Variants in CSMD1 observed in about 807,000 individuals in gnomAD.
CSMD1 encodes the protein CUB and Sushi multiple domains 1.
Under a neutral mutation model 417.5 loss-of-function variants are expected in CSMD1, and 213 were observed. The ratio of observed to expected loss-of-function variants is 0.51; its 90% CI spans 0.46 to 0.57. The LOEUF is 0.57. CSMD1 is among the 20% of genes least tolerant of loss of function. CSMD1 has a pLI of 0.00. For synonymous variants in CSMD1, 2,862 were observed against 1,736.8 expected (o/e 1.65, Z -16.11); for missense variants, 6,923 against 4,529.7 (o/e 1.53, Z -15.17).
intron 5 of CSMD1, among the ~76,000 whole-genome samples, chr8:3,850,182 A>T (rs574139693): frequency 6.6e-6 from 1 of 152,366 alleles, no homozygotes; most frequent in Non-Finnish European, 1.5e-5. Flanking sequence ...CTGTATAGGC[A>T]AATTTTGAGA....
chr8:3,072,545 T>C (rs1437203645), intron 49 of CSMD1, among the ~76,000 whole-genome samples: 1 of 152,172 alleles, frequency 6.6e-6, no homozygotes, highest in Non-Finnish European at 1.5e-5. Context: ...AGAGCACAGT[T>C]CTTGGCGTAG....
chr8:3,400,604 T>A (rs1332910002), intron 15 of CSMD1, among the ~76,000 whole-genome samples: 1 of 151,994 alleles, frequency 6.6e-6, no homozygotes, highest in South Asian at 2.1e-4. Flanking sequence ...GCAAATATAT[T>A]TGAAGTAACG....
intron 6 of CSMD1, among the ~76,000 whole-genome samples, chr8:3,712,707 T>C (rs540110827): frequency 2.0e-5 from 3 of 152,216 alleles, no homozygotes; most frequent in Non-Finnish European, 4.4e-5. Context: ...TATGAGTTTC[T>C]GTTTTGTTTT....
intron 3 of CSMD1, among the ~76,000 whole-genome samples, chr8:4,235,855 T>G (rs369025553): frequency 4.0e-4 from 61 of 152,280 alleles, no homozygotes; most frequent in African/African-American, 1.3e-3. Flanking sequence ...TGCCATCCTT[T>G]GATTCTAACT....
chr8:4,355,614 G>C (rs1054751345), intron 3 of CSMD1, among the ~76,000 whole-genome samples: 4 of 152,180 alleles, frequency 2.6e-5, no homozygotes, highest in African/African-American at 4.8e-5. Flanking sequence ...GAATAACTGA[G>C]TTAAATATTG....
intron 1 of CSMD1, among the ~76,000 whole-genome samples, chr8:4,639,874 C>A (rs559792543): frequency 5.3e-5 from 8 of 152,024 alleles, no homozygotes; most frequent in Non-Finnish European, 1.0e-4. Context: ...ATAAAAAGCC[C>A]ATTTTCCACT....
At chr8:4,445,932 CAG>C (rs1377841721) in intron 2 of CSMD1, among the ~76,000 whole-genome samples, 26 of 152,048 alleles carry the variant, frequency 1.7e-4, no homozygotes, top group African/African-American at 6.3e-4. Context: ...TTCAGCTGGT[CAG>C]AGAAAAAGTA....
At chr8:4,428,848 A>G (rs953651577) in intron 2 of CSMD1, among the ~76,000 whole-genome samples, 1 of 151,988 alleles carries the variant, frequency 6.6e-6, no homozygotes, top group Non-Finnish European at 1.5e-5. Flanking sequence ...CCTCCTGAGT[A>G]TCTGGGATTA....
chr8:4,979,070 T>G (rs1443848091), intron 1 of CSMD1, among the ~76,000 whole-genome samples: 1 of 152,212 alleles, frequency 6.6e-6, no homozygotes, highest in Non-Finnish European at 1.5e-5. Context: ...ACTTCAAATT[T>G]CCAGGCCTTC....
chr8:4,320,698 T>C (rs1037496481), intron 3 of CSMD1, among the ~76,000 whole-genome samples: 3 of 152,192 alleles, frequency 2.0e-5, no homozygotes, highest in Non-Finnish European at 4.4e-5. Flanking sequence ...CATCCTTTTT[T>C]ATGGCTGCAT....
chr8:3,607,353 G>A (rs1462853231), intron 8 of CSMD1, among the ~76,000 whole-genome samples: 2 of 151,642 alleles, frequency 1.3e-5, no homozygotes, highest in Admixed American at 6.6e-5. Context: ...GACCTGCCTG[G>A]GGCTGTTTAC....
In CSMD1 at chr8:3,985,969, G is replaced by T. The variant is rs182978896; in HGVS notation, c.818+11934C>A. ...TAATTCTAGCCTAAAAGTTTCCCTG[G>T]CTGTCCTCTGACTCCCATTTAAGCC... On this transcript the variant is annotated intron_variant, in intron 5 of 69. Transcript: ENST00000635120. 7.3e-5 allele frequency among the ~76,000 whole-genome samples: 11 copies of T among 151,656 alleles called. No individual in the cohort carries two copies. The East Asian group carries it at 2.1e-3, about 30-fold the overall frequency.
At chr8:3,680,954 C>G (rs201858983) in intron 7 of CSMD1, among the ~76,000 whole-genome samples, 2 of 152,100 alleles carry the variant, frequency 1.3e-5, no homozygotes, top group Non-Finnish European at 2.9e-5. Flanking sequence ...ATTATCTCAA[C>G]AGATGCAGAA....
At chr8:3,563,373 C>G (rs1268262625) in intron 10 of CSMD1, among the ~76,000 whole-genome samples, 1 of 76,358 alleles carries the variant, frequency 1.3e-5, no homozygotes, top group South Asian at 4.4e-4. Flanking sequence ...TTAAGTACGA[C>G]AAATACTAAA....
chr8:3,260,128 C>T (rs1194326787), intron 26 of CSMD1, among the ~76,000 whole-genome samples: 3 of 152,174 alleles, frequency 2.0e-5, no homozygotes, highest in South Asian at 2.1e-4. Context: ...TTTCCCTTAC[C>T]TTGCTCTTTC....
At chr8:4,811,734 T>G (rs771847179) in intron 1 of CSMD1, among the ~76,000 whole-genome samples, 28 of 152,134 alleles carry the variant, frequency 1.8e-4, no homozygotes, top group Non-Finnish European at 4.0e-4. Context: ...TTTTTTTGCT[T>G]CGTTTAAATC....
intron 2 of CSMD1, among the ~76,000 whole-genome samples, chr8:4,442,228 G>C (rs1205144198): frequency 2.0e-5 from 3 of 152,110 alleles, no homozygotes; most frequent in East Asian, 3.9e-4. Context: ...GTCATACACA[G>C]TGCAGTGATG....
At chr8:4,576,243 C>T (rs922292839) in intron 2 of CSMD1, among the ~76,000 whole-genome samples, 20 of 152,220 alleles carry the variant, frequency 1.3e-4, no homozygotes, top group African/African-American at 4.6e-4. Flanking sequence ...TCCAGGCACC[C>T]TTCTAGTTCC....
At chr8:4,520,407 G>A (rs545069233) in intron 2 of CSMD1, among the ~76,000 whole-genome samples, 1 of 152,296 alleles carries the variant, frequency 6.6e-6, no homozygotes, top group South Asian at 2.1e-4. Context: ...CTAGCTGGTA[G>A]CAAAATCATG....
Sources: gnomAD v4.1 joint callset for allele counts (sites outside exome capture counted in the v4.1 genomes callset) on GRCh38, gnomAD v4.1.1 for gene constraint, MANE v1.5 for transcripts, NCBI Gene and HGNC (gene_info 2026-07-23, HGNC 2026-07-21) for gene names.